The following CTNNA2 variants were observed in gnomAD, a reference collection of about 807,000 sequenced individuals.
CTNNA2 encodes the protein catenin alpha-2.
CTNNA2 carries 42 observed loss-of-function variants against 101.0 expected under a neutral mutation model. The ratio of observed to expected loss-of-function variants is 0.42; its 90% confidence interval spans 0.32 to 0.54. The LOEUF is 0.54. Ranked by LOEUF, CTNNA2 falls within the 20% of genes least tolerant of loss-of-function variation. The pLI, the probability that CTNNA2 is intolerant of heterozygous loss-of-function variation, is 0.14. For synonymous variants in CTNNA2, 450 were observed against 456.4 expected, an observed-to-expected ratio of 0.99 and a Z score of 0.18; for missense variants, 871 against 1,223.1, an observed-to-expected ratio of 0.71 and a Z score of 4.29.
At chr2:79,291,752 C>T (rs1292026409) in intron 2 of CTNNA2, among the ~76,000 whole-genome samples, 2 of 152,210 alleles carry the variant, frequency 1.3e-5, no homozygotes, top group Non-Finnish European at 2.9e-5. Flanking sequence ...ATAGTCTCCT[C>T]CCATGGCAGT....
At chr2:80,596,333 G>A (rs973161300) in intron 15 of CTNNA2, among the ~76,000 whole-genome samples, 11 of 56,050 alleles carry the variant, frequency 2.0e-4, no homozygotes, top group East Asian at 1.4e-3. Context: ...TTTTTGAGAC[G>A]GAGTCTCGCT....
At chr2:79,875,692 T>G (rs1172882494) in intron 6 of CTNNA2, among the ~76,000 whole-genome samples, 2 of 152,182 alleles carry the variant, frequency 1.3e-5, no homozygotes, top group Non-Finnish European at 2.9e-5. Flanking sequence ...ATTTTTACAG[T>G]TAGTTATATG....
At chr2:79,959,244 T>C (rs1689459423) in intron 7 of CTNNA2, among the ~76,000 whole-genome samples, 1 of 152,120 alleles carries the variant, frequency 6.6e-6, no homozygotes, top group African/African-American at 2.4e-5. Flanking sequence ...GACAGATTTG[T>C]TACTTTTTTT....
chr2:79,439,265 G>A (rs1420936513), intron 4 of CTNNA2, among the ~76,000 whole-genome samples: 1 of 152,158 alleles, frequency 6.6e-6, no homozygotes, highest in Non-Finnish European at 1.5e-5. Flanking sequence ...GATACACGTT[G>A]CAACATGGGT....
At chr2:80,030,793 G>C (rs1001666183) in intron 7 of CTNNA2, among the ~76,000 whole-genome samples, 1 of 152,038 alleles carries the variant, frequency 6.6e-6, no homozygotes, top group Admixed American at 6.6e-5. Context: ...CACATAAAGA[G>C]CTTCTATAAA....
chr2:79,813,816 G>A (rs952273704), intron 3 of CTNNA2, among the ~76,000 whole-genome samples: 3 of 152,174 alleles, frequency 2.0e-5, no homozygotes, highest in African/African-American at 7.2e-5. Context: ...CCTAGAGTTT[G>A]CATGACAATG....
At chr2:79,716,708 G>C (rs1271334010) in intron 2 of CTNNA2, among the ~76,000 whole-genome samples, 1 of 152,144 alleles carries the variant, frequency 6.6e-6, no homozygotes, top group Non-Finnish European at 1.5e-5. Flanking sequence ...ACAAACATAG[G>C]ATATTCTGGT....
intron 7 of CTNNA2, among the ~76,000 whole-genome samples, chr2:80,220,984 C>T (rs969273760): frequency 1.3e-5 from 2 of 152,090 alleles, no homozygotes; most frequent in African/African-American, 2.4e-5. Flanking sequence ...TGAGTTCAAG[C>T]GATTCTCCTG....
intron 7 of CTNNA2, among the ~76,000 whole-genome samples, chr2:80,190,639 C>A (rs1706436382): frequency 6.6e-6 from 1 of 152,144 alleles, no homozygotes; most frequent in South Asian, 2.1e-4. Context: ...ATGCTGAAAT[C>A]ATTGCTATCA....
In CTNNA2 at chr2:79,285,825, C is replaced by T. The variant is rs1243699556; in HGVS notation, c.-405-26884C>T. Among the ~76,000 whole-genome samples, 474 of 147,070 alleles carry T rather than the reference C, an allele frequency of 3.2e-3. 3 individuals are homozygous for T. The highest frequency in any genetic ancestry group is 0.011 in the African/African-American group (441 of 38,706). On this transcript the variant is annotated intron_variant, in intron 2 of 21. Transcript: ENST00000466387. ...GGGTATCCTTGTTAACTTTCTGTCT[C>T]GTTGATCTGTCTAATGTTGACAGTG...
intron 3 of CTNNA2, among the ~76,000 whole-genome samples, chr2:79,800,777 A>G (rs1676093329): frequency 6.6e-6 from 1 of 152,134 alleles, no homozygotes; most frequent in Non-Finnish European, 1.5e-5. Flanking sequence ...CTGAAAGACA[A>G]TTTTAGTCTG....
chr2:80,227,438 G>A (rs79026062), intron 7 of CTNNA2, among the ~76,000 whole-genome samples: 2,150 of 152,268 alleles, frequency 0.014, 54 homozygotes, highest in African/African-American at 0.049. Flanking sequence ...TGACTTCTGC[G>A]TTTAGGGTCT....
chr2:80,322,232 A>G (rs543970119), intron 7 of CTNNA2, among the ~76,000 whole-genome samples: 4 of 152,260 alleles, frequency 2.6e-5, no homozygotes, highest in Non-Finnish European at 2.9e-5. Context: ...ACTAAAGCAA[A>G]CTCAATATAC....
chr2:79,934,738 C>T (rs932144911), intron 7 of CTNNA2, among the ~76,000 whole-genome samples: 3 of 152,234 alleles, frequency 2.0e-5, no homozygotes, highest in Non-Finnish European at 4.4e-5. Flanking sequence ...AGCTCTTCCT[C>T]ATTTCCCCCC....
At chr2:80,132,810 T>C (rs961128799) in intron 7 of CTNNA2, among the ~76,000 whole-genome samples, 3 of 152,100 alleles carry the variant, frequency 2.0e-5, no homozygotes, top group Non-Finnish European at 2.9e-5. Context: ...AGAAAAAAAT[T>C]TAAAAAGAAA....
intron 2 of CTNNA2, among the ~76,000 whole-genome samples, chr2:79,703,895 A>C (rs1050521580): frequency 6.6e-5 from 10 of 151,982 alleles, no homozygotes; most frequent in Admixed American, 6.6e-4. Context: ...ATTTCCTTTT[A>C]TATTTTCATA....
At chr2:79,375,412 C>T (rs924246045) in intron 4 of CTNNA2, among the ~76,000 whole-genome samples, 8 of 152,130 alleles carry the variant, frequency 5.3e-5, no homozygotes, top group Non-Finnish European at 1.0e-4. Flanking sequence ...TTTTCGCCAT[C>T]GTTCCTTCTT....
At chr2:79,611,577 A>G (rs1375610050) in intron 1 of CTNNA2, among the ~76,000 whole-genome samples, 1 of 152,126 alleles carries the variant, frequency 6.6e-6, no homozygotes, top group African/African-American at 2.4e-5. Flanking sequence ...GCTGCTTTTA[A>G]GTCTGAGGAT....
At chr2:80,196,613 T>C (rs1706847884) in intron 7 of CTNNA2, among the ~76,000 whole-genome samples, 1 of 152,314 alleles carries the variant, frequency 6.6e-6, no homozygotes, top group East Asian at 1.9e-4. Context: ...TCCCTTTTTA[T>C]TGGATAATTT....
Sources: gnomAD v4.1 joint callset for allele counts (sites outside exome capture counted in the v4.1 genomes callset) on GRCh38, gnomAD v4.1.1 for gene constraint, MANE v1.5 for transcripts, NCBI Gene and HGNC (gene_info 2026-07-23, HGNC 2026-07-21) for gene names.